Variants in NSUN6 observed in about 807,000 individuals in gnomAD.
The protein encoded by NSUN6 is tRNA (cytosine(72)-C(5))-methyltransferase NSUN6.
NSUN6 carries 64 observed loss-of-function variants against 58.0 expected under a neutral mutation model. That is an observed-to-expected ratio of 1.10 (90% CI 0.90 to 1.36). The LOEUF (loss-of-function observed/expected upper bound fraction) is 1.36. Among genes scored for constraint, NSUN6 ranks in the 40% most tolerant of loss-of-function variants. The pLI is 0.00. For synonymous variants in NSUN6, 231 were observed against 193.9 expected, an observed-to-expected ratio of 1.19 and a Z score of -1.59; for missense variants, 701 against 550.1, an observed-to-expected ratio of 1.27 and a Z score of -2.74.
chr10:18,549,240 T>G (rs1221679089), intron 9 of NSUN6, among the ~76,000 whole-genome samples: 1 of 152,194 alleles, frequency 6.6e-6, no homozygotes, highest in Non-Finnish European at 1.5e-5. Flanking sequence ...GTTGCCTCTC[T>G]GACCTCCTCC....
chr10:18,599,548 A>C (rs2057724622), intron 6 of NSUN6, among the ~76,000 whole-genome samples: 1 of 152,162 alleles, frequency 6.6e-6, no homozygotes, highest in Non-Finnish European at 1.5e-5. Context: ...AGTGGTTTCA[A>C]AATCACCCTA....
chr10:18,621,145 G>A (rs905997075), intron 3 of NSUN6, among the ~76,000 whole-genome samples: 2 of 152,152 alleles, frequency 1.3e-5, no homozygotes, highest in African/African-American at 2.4e-5. Context: ...CTTTCCTTCT[G>A]AGAATCCAGA....
At chr10:18,653,828 A>G (rs533051150), upstream of NSUN6, among the ~76,000 whole-genome samples, 14 of 152,322 alleles carry the variant, frequency 9.2e-5, no homozygotes, top group South Asian at 2.1e-3. Context: ...AAACTACTCT[A>G]TGAATACACC....
At chr10:18,643,110 G>T (rs117969136) in intron 2 of NSUN6, among the ~76,000 whole-genome samples, 1 of 151,914 alleles carries the variant, frequency 6.6e-6, no homozygotes, top group Non-Finnish European at 1.5e-5. Context: ...GCCACTGCAT[G>T]CATCTCTTTC....
intron 7 of NSUN6, among the ~76,000 whole-genome samples, chr10:18,592,213 A>G (rs2057403923): frequency 6.6e-6 from 1 of 152,226 alleles, no homozygotes; most frequent in Non-Finnish European, 1.5e-5. Context: ...GTTCAGGGAA[A>G]TAAGAGAGGA....
chr10:18,644,049 C>T (rs538727532), intron 2 of NSUN6, among the ~76,000 whole-genome samples: 33 of 152,248 alleles, frequency 2.2e-4, no homozygotes, highest in African/African-American at 7.9e-4. Flanking sequence ...CCATAAATTT[C>T]ACCCATTTTA....
intron 6 of NSUN6, among the ~76,000 whole-genome samples, chr10:18,599,226 A>G (rs1477106750): frequency 6.6e-6 from 1 of 151,988 alleles, no homozygotes; most frequent in East Asian, 1.9e-4. Flanking sequence ...TCTTGTAGAG[A>G]TGGGGTAGCA....
chr10:18,633,939 T>TACAG (rs1238046214), intron 3 of NSUN6, among the ~76,000 whole-genome samples: 1 of 152,232 alleles, frequency 6.6e-6, no homozygotes, highest in Non-Finnish European at 1.5e-5. Context: ...TCACCAGGAC[T>TACAG]ACAGATGAGC....
intron 7 of NSUN6, among the ~76,000 whole-genome samples, chr10:18,595,242 T>C (rs1215764836): frequency 1.3e-5 from 2 of 152,212 alleles, no homozygotes; most frequent in African/African-American, 2.4e-5. Context: ...TGTTTAGTTG[T>C]ATGCCGCCAA....
intron 3 of NSUN6, among the ~76,000 whole-genome samples, chr10:18,628,361 A>G (rs954189788): frequency 5.3e-5 from 8 of 152,190 alleles, no homozygotes; most frequent in Non-Finnish European, 8.8e-5. Context: ...TCCTCCTCCA[A>G]AGGAATACAG....
At chr10:18,558,931 T>A (rs1305746450) in intron 8 of NSUN6, among the ~76,000 whole-genome samples, 8 of 145,556 alleles carry the variant, frequency 5.5e-5, no homozygotes. Context: ...GAGAATGGAC[T>A]GGACAATGGA....
intron 5 of NSUN6, among the ~76,000 whole-genome samples, chr10:18,613,721 G>C (rs1174355172): frequency 6.6e-6 from 1 of 152,120 alleles, no homozygotes; most frequent in African/African-American, 2.4e-5. Context: ...TTCTTCAGAA[G>C]AACGAATGAA....
intron 6 of NSUN6, among the ~76,000 whole-genome samples, chr10:18,600,968 A>AC (rs2057808362): frequency 2.6e-5 from 3 of 115,316 alleles, no homozygotes; most frequent in Middle Eastern, 4.1e-3. Flanking sequence ...ATACATATAT[A>AC]TATATATATG....
At chr10:18,656,161 A>G (rs112416837), upstream of NSUN6, among the ~76,000 whole-genome samples, 1,557 of 152,350 alleles carry the variant, frequency 0.01, 32 homozygotes, top group African/African-American at 0.036. Context: ...ATTTCAGACC[A>G]TATGGCAGGT....
chr10:18,561,616 T>A (rs2055515101), intron 8 of NSUN6, among the ~76,000 whole-genome samples: 1 of 102,670 alleles, frequency 9.7e-6, no homozygotes, highest in Non-Finnish European at 2.0e-5. Flanking sequence ...AATGCAGTGG[T>A]GAACAGAATG....
chr10:18,617,430 C>T (rs2058453254), intron 3 of NSUN6, among the ~76,000 whole-genome samples: 1 of 152,064 alleles, frequency 6.6e-6, no homozygotes, highest in South Asian at 2.1e-4. Context: ...TCAGGTGATC[C>T]ACCAGCCTCA....
intron 8 of NSUN6, among the ~76,000 whole-genome samples, chr10:18,570,767 T>A (rs576332010): frequency 1.3e-5 from 2 of 151,342 alleles, no homozygotes; most frequent in Admixed American, 6.6e-5. Flanking sequence ...CTCCATTCCA[T>A]TCCATGCTCC....
chr10:18,651,750 C>G (rs907976337), upstream of NSUN6: 25 of 985,424 alleles, frequency 2.5e-5, no homozygotes, highest in Non-Finnish European at 3.0e-5. Context: ...AGGTTCCTAA[C>G]CCTGCGTGAG....
At chr10:18,614,775 T>C (rs924498294) in intron 4 of NSUN6, among the ~76,000 whole-genome samples, 162 bp from the exon 5 acceptor site, 3 of 152,150 alleles carry the variant, frequency 2.0e-5, no homozygotes, top group Non-Finnish European at 4.4e-5. Context: ...TCTGACTTTT[T>C]ACTTTAAAAT....
Sources: allele counts gnomAD v4.1 joint callset (sites outside exome capture counted in the v4.1 genomes callset), GRCh38; gene constraint gnomAD v4.1.1; transcripts MANE v1.5; gene names NCBI Gene and HGNC (gene_info 2026-07-23, HGNC 2026-07-21).